RSF1: variants seen among roughly 807,000 people sequenced by gnomAD.
RSF1 encodes remodeling and spacing factor 1.
A neutral mutation model predicts 145.2 loss-of-function variants in RSF1; 13 were observed. That is an observed-to-expected ratio of 0.09 (90% confidence interval 0.06 to 0.14). The LOEUF is 0.14. RSF1 is among the 10% of genes least tolerant of loss of function. The pLI is 1.00. For missense variants in RSF1, 1,517 were observed against 1,718.2 expected (o/e 0.88, Z 2.07); for synonymous variants, 577 against 592.6 (o/e 0.97, Z 0.38).
rs757732656 is a variant in RSF1 at position 77,667,009 on chromosome 11, C to G, written c.4234G>C (p.Gly1412Arg). The G allele has an allele frequency of 6.2e-7, 1 of 1,612,836 alleles. No individual in the cohort carries two copies. Among genetic ancestry groups the G allele is most frequent in the Non-Finnish European group, 8.5e-7 (1 of 1,179,008 alleles). The change falls in exon 16 of 16, where the codon GGG becomes CGG. Residue 1412 changes from glycine to arginine, a missense_variant. This residue lies in a region of RSF1 where 240 missense variants were observed against 231.8 expected (regional missense o/e 1.04). Coordinates refer to ENST00000308488, the MANE Select transcript of RSF1 (RefSeq NM_016578.4). ...ASLASNGTSG[G>R]QEAGAPEEEE... ...TCTTCTGGTGCTCCTGCCTCCTGCC[C>G]ACCACTTGTCCCATTGGAGGCTAGG...
intron 4 of RSF1, among the ~76,000 whole-genome samples, chr11:77,727,800 A>G (rs892994094): frequency 2.0e-5 from 3 of 151,924 alleles, no homozygotes; most frequent in Non-Finnish European, 4.4e-5. Flanking sequence ...ACTTTAAGCA[A>G]AAAGGGAATT....
chr11:77,864,755 G>GA, the RSF1 span, among the ~76,000 whole-genome samples: 1 of 152,152 alleles, frequency 6.6e-6, no homozygotes, highest in African/African-American at 2.4e-5. Context: ...AAGATGGGAG[G>GA]ATTGTTTGAG....
rs531816309 is a variant in RSF1, at chr11:77,750,301, C to A, written c.280-3173G>T. Reference sequence around the variant, plus strand: ...GCCCAAACAAGAAATAATTTAGGCACTATAGGCCATAGAGTCTCTCTTGTA... The same window carrying A: ...GCCCAAACAAGAAATAATTTAGGCAATATAGGCCATAGAGTCTCTCTTGTA... On this transcript the variant is annotated intron_variant, in intron 2 of 15. Transcript: ENST00000308488. Among the ~76,000 whole-genome samples the A allele has an allele frequency of 2.0e-5, 3 of 152,312 alleles. No individual in the cohort carries two copies. In the East Asian group the frequency reaches 5.8e-4, roughly 29 times the overall value.
At chr11:77,744,208 T>C (rs1196232237) in intron 3 of RSF1, among the ~76,000 whole-genome samples, 2 of 152,148 alleles carry the variant, frequency 1.3e-5, no homozygotes, top group South Asian at 2.1e-4. Context: ...TTTGTACTTT[T>C]AGTAGAGATG....
At chr11:77,870,329 A>ATTT in the RSF1 span, among the ~76,000 whole-genome samples, 29 of 87,988 alleles carry the variant, frequency 3.3e-4, no homozygotes, top group Admixed American at 3.7e-4. Context: ...CTATTTTTTA[A>ATTT]TTTTTTTTTT....
chr11:77,704,332 C>A (rs536559855), intron 5 of RSF1, among the ~76,000 whole-genome samples: 222 of 152,002 alleles, frequency 1.5e-3, no homozygotes, highest in Non-Finnish European at 2.6e-3. Flanking sequence ...AACAAACAAA[C>A]AAAACAAAAA....
At chr11:77,745,445 G>T (rs1328297656) in intron 3 of RSF1, among the ~76,000 whole-genome samples, 3 of 151,616 alleles carry the variant, frequency 2.0e-5, no homozygotes, top group Admixed American at 6.6e-5. Context: ...GCTGCATTTT[G>T]TAAGTTCTGG....
rs112115163 is a variant in RSF1 at position 77,684,988 on chromosome 11, G to GAAAT, written c.2955+113_2955+116dup. 6.9e-3 allele frequency: 3,164 copies of GAAAT among 459,294 alleles called. 51 individuals carry two copies. The highest frequency in any genetic ancestry group is 0.034 in the African/African-American group (1,581 of 45,884). 28.5% of individuals were successfully genotyped at this position (459,294 alleles called of 1,614,324 possible). The stretch of plus-strand genomic sequence containing the variant: ...GGCAACAAGAACGAAACTCCATCTC[G>GAAAT]AAATAAATAAATAAATAAATAAATA... On this transcript the variant is annotated intron_variant, in intron 10 of 15. Transcript: ENST00000308488.
chr11:77,820,215 C>G (rs560101033), intron 1 of RSF1, among the ~76,000 whole-genome samples: 1 of 152,296 alleles, frequency 6.6e-6, no homozygotes, highest in Admixed American at 6.5e-5. Context: ...CCGCCCTCCG[C>G]CGCGGAGAAG....
At chr11:77,751,189 C>G (rs1377155208) in intron 2 of RSF1, among the ~76,000 whole-genome samples, 2 of 152,140 alleles carry the variant, frequency 1.3e-5, no homozygotes, top group Admixed American at 1.3e-4. Context: ...AGAGCAAATA[C>G]ATAGACTTTA....
At chr11:77,820,412 G>C (rs7117150) in intron 1 of RSF1, 116 bp downstream of exon 1, 2 of 1,121,438 alleles carry the variant, frequency 1.8e-6, no homozygotes, top group Admixed American at 2.7e-5. Flanking sequence ...TTGCGTCCCA[G>C]GGGGAAGACA....
intron 9 of RSF1, among the ~76,000 whole-genome samples, chr11:77,688,050 G>A (rs530681953): frequency 3.2e-4 from 49 of 152,270 alleles, no homozygotes; most frequent in African/African-American, 1.2e-3. Flanking sequence ...CAGCACTTTG[G>A]TAGGCCAAGG....
At chr11:77,683,914 A>C (rs1214361584) in intron 10 of RSF1, 95 bp from the exon 11 acceptor site, 2 of 867,164 alleles carry the variant, frequency 2.3e-6, no homozygotes, top group Admixed American at 2.6e-5. Flanking sequence ...TAGGTAGCAC[A>C]TGTGAAAGGT....
In RSF1 at chr11:77,725,638, A is replaced by G. The variant is rs1433719480; in HGVS notation, c.640T>C (p.Leu214=). ...TTGTCTTGTTGGCTAGAGTTTTTCA[A>G]TAGTACAGGATCAATTTGTGCTTTC... The part of the protein sequence containing the change: ...LLKAQIDPVL[L]KNSSQQDNSS... The change falls in exon 5 of 16, where the codon TTG becomes CTG. Residue 214 remains leucine, a synonymous_variant. Coordinates refer to ENST00000308488, the MANE Select transcript of RSF1 (RefSeq NM_016578.4). 1 of 1,611,312 alleles carries G rather than the reference A, an allele frequency of 6.2e-7. No homozygotes were observed. The highest frequency in any genetic ancestry group is 8.5e-7 in the Non-Finnish European group (1 of 1,178,612).
At chr11:77,843,698 A>T in the RSF1 span, among the ~76,000 whole-genome samples, 1 of 152,186 alleles carries the variant, frequency 6.6e-6, no homozygotes, top group Non-Finnish European at 1.5e-5. Flanking sequence ...CTGGAGACTG[A>T]AAGTGTGAGA....
chr11:77,687,161 A>G (rs192157387), intron 9 of RSF1, among the ~76,000 whole-genome samples: 4 of 152,328 alleles, frequency 2.6e-5, no homozygotes, highest in Admixed American at 2.0e-4. Flanking sequence ...ATTCATATAC[A>G]TGTGTGTGTA....
intron 4 of RSF1, chr11:77,734,828 C>T: frequency 6.3e-7 from 1 of 1,593,662 alleles, no homozygotes; most frequent in Non-Finnish European, 8.5e-7. Context: ...AGTTTCTCAG[C>T]ATGCTCCCTC....
At chr11:77,799,305 T>C (rs1027080343) in intron 1 of RSF1, among the ~76,000 whole-genome samples, 8 of 151,904 alleles carry the variant, frequency 5.3e-5, no homozygotes, top group Admixed American at 1.3e-4. Flanking sequence ...AGCCCAGGAA[T>C]CTGAGACCAG....
At chr11:77,836,931 C>T in the RSF1 span, among the ~76,000 whole-genome samples, 4 of 152,160 alleles carry the variant, frequency 2.6e-5, no homozygotes, top group African/African-American at 9.7e-5. Flanking sequence ...CGCCATTGCA[C>T]TCCAGCCTGG....
Sources: gnomAD v4.1 joint callset for allele counts (sites outside exome capture counted in the v4.1 genomes callset) on GRCh38, gnomAD v4.1.1 for gene constraint, gnomAD v4.1.1 regional missense constraint, MANE v1.5 for transcripts, NCBI Gene and HGNC (gene_info 2026-07-23, HGNC 2026-07-21) for gene names.